ROBO1: variants seen among roughly 807,000 people sequenced by gnomAD.
ROBO1 encodes roundabout homolog 1.
ROBO1 carries 149 observed loss-of-function variants against 195.9 expected under a neutral mutation model. That is an observed-to-expected ratio of 0.76 (90% CI 0.67 to 0.87). ROBO1 has a LOEUF of 0.87. Among genes scored for constraint, ROBO1 ranks in the 40% least tolerant of loss-of-function variants. The probability of loss-of-function intolerance (pLI) is 0.00; values close to 1 mark genes in which losing one functional copy is unlikely to be tolerated. For synonymous variants in ROBO1, 816 were observed against 733.2 expected (o/e 1.11, Z -1.82); for missense variants, 1,933 against 2,068.3 (o/e 0.93, Z 1.27).
At chr3:79,369,748 G>A (rs1249002854) in intron 2 of ROBO1, among the ~76,000 whole-genome samples, 1 of 150,622 alleles carries the variant, frequency 6.6e-6, no homozygotes, top group Non-Finnish European at 1.5e-5. Context: ...CTAACATTAT[G>A]CCATTGCAGA....
intron 2 of ROBO1, among the ~76,000 whole-genome samples, chr3:79,552,572 T>G (rs1942562517): frequency 6.6e-6 from 1 of 152,172 alleles, no homozygotes. Flanking sequence ...ATGCCTGAAT[T>G]TCTAATGTGC....
At chr3:78,825,644 A>C (rs1177236195) in intron 4 of ROBO1, among the ~76,000 whole-genome samples, 1 of 152,116 alleles carries the variant, frequency 6.6e-6, no homozygotes, top group Admixed American at 6.6e-5. Flanking sequence ...AGTAGGTGTC[A>C]CTCTTGGCAT....
chr3:79,008,887 C>CAGTG, intron 3 of ROBO1, among the ~76,000 whole-genome samples: 1 of 73,574 alleles, frequency 1.4e-5, no homozygotes, highest in Admixed American at 1.6e-4. Flanking sequence ...CTGCACCCAG[C>CAGTG]CGTGTGTGTG....
chr3:78,708,800 T>A (rs1463333815), intron 8 of ROBO1, among the ~76,000 whole-genome samples: 1 of 152,318 alleles, frequency 6.6e-6, no homozygotes, highest in East Asian at 1.9e-4. Context: ...GTAGTATATA[T>A]CTTTTTGTCT....
chr3:78,897,324 A>G lies in ROBO1; in HGVS notation c.499+41277T>C, dbSNP rs371181459. On this transcript the variant is annotated intron_variant, in intron 4 of 30. Coordinates refer to ENST00000464233, the MANE Select transcript of ROBO1 (RefSeq NM_002941.4). ...GCACCATCCTCCACCCACACCCCAC[A>G]GATGATTCCAGTGTGCAGATAGTCT... Among the ~76,000 whole-genome samples the G allele has an allele frequency of 5.1e-4, 77 of 152,306 alleles. 1 individual carries two copies. The South Asian group carries it at 8.5e-3, about 17-fold the overall frequency.
intron 2 of ROBO1, among the ~76,000 whole-genome samples, chr3:79,355,445 T>C (rs1212623520): frequency 6.6e-6 from 1 of 152,154 alleles, no homozygotes; most frequent in Non-Finnish European, 1.5e-5. Context: ...TTCTAGCTAC[T>C]TGGAAATATA....
intron 4 of ROBO1, among the ~76,000 whole-genome samples, chr3:78,805,395 T>C (rs2084505567): frequency 6.6e-6 from 1 of 152,100 alleles, no homozygotes. Flanking sequence ...GAATTATAAA[T>C]CTCTCCTTAA....
At chr3:79,420,746 G>A (rs910970384) in intron 2 of ROBO1, among the ~76,000 whole-genome samples, 38 of 152,130 alleles carry the variant, frequency 2.5e-4, no homozygotes, top group African/African-American at 8.9e-4. Flanking sequence ...AGATGCTGGT[G>A]AGCTTGCAGA....
intron 4 of ROBO1, among the ~76,000 whole-genome samples, chr3:78,863,451 G>A (rs9847098): frequency 0.039 from 5,882 of 152,154 alleles, 332 homozygotes; most frequent in African/African-American, 0.12. Flanking sequence ...TGAAGAAACC[G>A]TGTGAATGCA....
chr3:79,267,450 T>G (rs966054521), intron 2 of ROBO1, among the ~76,000 whole-genome samples: 2 of 151,490 alleles, frequency 1.3e-5, no homozygotes, highest in Non-Finnish European at 3.0e-5. Flanking sequence ...AGTTATGTGA[T>G]GCTTTACTCC....
At chr3:79,053,559 A>AT in intron 3 of ROBO1, among the ~76,000 whole-genome samples, 1 of 151,454 alleles carries the variant, frequency 6.6e-6, no homozygotes, top group East Asian at 2.0e-4. Flanking sequence ...CCCTCCTGTC[A>AT]TTTTGGTTCC....
chr3:78,757,826 T>C (rs2108346845), intron 4 of ROBO1, among the ~76,000 whole-genome samples: 1 of 152,308 alleles, frequency 6.6e-6, no homozygotes, highest in Admixed American at 6.5e-5. Flanking sequence ...CAAAGGGATC[T>C]TTAATTGGTG....
chr3:79,545,847 C>G (rs1416345356), intron 2 of ROBO1, among the ~76,000 whole-genome samples: 2 of 152,030 alleles, frequency 1.3e-5, no homozygotes, highest in Admixed American at 1.3e-4. Flanking sequence ...ATGGGTGGCC[C>G]AGGAGGGTTT....
chr3:78,799,755 A>G (rs1011025546), intron 4 of ROBO1, among the ~76,000 whole-genome samples: 10 of 152,064 alleles, frequency 6.6e-5, no homozygotes, highest in Non-Finnish European at 2.9e-5. Context: ...TGATTGGATT[A>G]TCATTTCCTT....
intron 5 of ROBO1, among the ~76,000 whole-genome samples, chr3:78,719,737 T>C (rs1344229174): frequency 1.3e-5 from 2 of 152,160 alleles, no homozygotes; most frequent in South Asian, 2.1e-4. Context: ...ACTATTCCCA[T>C]ACTGATAGAT....
intron 1 of ROBO1, among the ~76,000 whole-genome samples, chr3:79,618,011 CAGAA>C (rs1250655580): frequency 2.0e-5 from 3 of 150,278 alleles, no homozygotes; most frequent in Non-Finnish European, 4.4e-5. Context: ...TTAGATCAAA[CAGAA>C]GAAAGAATTT....
intron 2 of ROBO1, among the ~76,000 whole-genome samples, chr3:79,154,758 G>T (rs1448824299): frequency 6.6e-6 from 1 of 151,672 alleles, no homozygotes; most frequent in Admixed American, 6.6e-5. Context: ...AATCCTGTAA[G>T]GAGGCTGAAT....
rs1209042232 is a variant in ROBO1, at chr3:78,598,007, T to C, written c.*906A>G. Reference sequence around the variant, plus strand: ...AAACAGTGCATTACAAAAACAAAAATCAAACTTCCTTAAGTGGCACTTCTG... The same window carrying C: ...AAACAGTGCATTACAAAAACAAAAACCAAACTTCCTTAAGTGGCACTTCTG... On this transcript the variant is annotated 3_prime_UTR_variant, in exon 31 of 31. Coordinates refer to ENST00000464233, the MANE Select transcript of ROBO1 (RefSeq NM_002941.4). The C allele has an allele frequency of 2.2e-5, 3 of 136,380 alleles. No individual in the cohort carries two copies. In the East Asian group the frequency reaches 6.7e-4, roughly 30 times the overall value. The allele number at this position is 136,380 out of a possible 1,614,324, so 8.4% of individuals were successfully genotyped here.
At chr3:78,858,546 T>C (rs531432950) in intron 4 of ROBO1, among the ~76,000 whole-genome samples, 5 of 114,144 alleles carry the variant, frequency 4.4e-5, no homozygotes, top group African/African-American at 1.8e-4. Context: ...CTGGGCAACA[T>C]GGCAAAACCC....
Sources: allele counts gnomAD v4.1 joint callset (sites outside exome capture counted in the v4.1 genomes callset), GRCh38; gene constraint gnomAD v4.1.1; transcripts MANE v1.5; gene names NCBI Gene and HGNC (gene_info 2026-07-23, HGNC 2026-07-21).